The following ADGRL2 variants were observed in gnomAD, a reference collection of about 807,000 sequenced individuals.
ADGRL2 encodes calcium-independent alpha-latrotoxin receptor 2.
ADGRL2 carries 44 observed loss-of-function variants against 157.4 expected under a neutral mutation model. That is an observed-to-expected ratio of 0.28 (90% CI 0.22 to 0.36). ADGRL2 has a LOEUF of 0.36. Among genes scored for constraint, ADGRL2 ranks in the 10% least tolerant of loss-of-function variants. ADGRL2 has a pLI of 1.00. For missense variants in ADGRL2, 1,510 were observed against 1,768.9 expected (o/e 0.85, Z 2.63); for synonymous variants, 585 against 624.7 (o/e 0.94, Z 0.95).
At chr1:81,846,161 C>G (rs985552564) in intron 2 of ADGRL2, among the ~76,000 whole-genome samples, 1 of 151,372 alleles carries the variant, frequency 6.6e-6, no homozygotes, top group Non-Finnish European at 1.5e-5. Context: ...AAGTTTGGAA[C>G]ATAGCCAAAT....
chr1:81,313,560 A>G (rs1378599709), intron 1 of ADGRL2, among the ~76,000 whole-genome samples: 1 of 152,186 alleles, frequency 6.6e-6, no homozygotes, highest in Admixed American at 6.5e-5. Context: ...TGAAAGTGGT[A>G]TCTGTGCAGG....
chr1:81,781,490 A>T lies in ADGRL2; in HGVS notation c.-101+19638A>T, dbSNP rs966064042. 2.2e-4 allele frequency among the ~76,000 whole-genome samples: 33 copies of T among 152,228 alleles called. 1 individual carries two copies. Among genetic ancestry groups the T allele is most frequent in the Non-Finnish European group, 3.7e-4 (25 of 68,036 alleles). ...TGTAGCTAAACAGAATCTAGGCTTT[A>T]AAAGGAGTTTCAAAAATGCAGCTTT... On this transcript the variant is annotated intron_variant, in intron 2 of 20. Coordinates refer to the ADGRL2 transcript ENST00000359929.
At chr1:81,536,286 T>C (rs2079735022) in intron 2 of ADGRL2, among the ~76,000 whole-genome samples, 1 of 151,266 alleles carries the variant, frequency 6.6e-6, no homozygotes, top group South Asian at 2.1e-4. Context: ...CTTACTTTAA[T>C]AAAATATTTT....
At chr1:81,908,111 G>A (rs1490877563) in intron 3 of ADGRL2, among the ~76,000 whole-genome samples, 1 of 152,116 alleles carries the variant, frequency 6.6e-6, no homozygotes, top group African/African-American at 2.4e-5. Context: ...ACAATAATAT[G>A]CTATTCAGGT....
intron 3 of ADGRL2, among the ~76,000 whole-genome samples, chr1:81,672,967 G>C (rs1449466972): frequency 2.0e-5 from 3 of 152,188 alleles, no homozygotes; most frequent in Non-Finnish European, 4.4e-5. Flanking sequence ...ATATGATGGA[G>C]CAATTGTGAC....
intron 1 of ADGRL2, among the ~76,000 whole-genome samples, chr1:81,749,920 T>C (rs2085433669): frequency 6.6e-6 from 1 of 152,174 alleles, no homozygotes; most frequent in Non-Finnish European, 1.5e-5. Flanking sequence ...AGCCAGTAAG[T>C]AAAATATATT....
At chr1:81,736,001 G>A (rs1396442260) in intron 1 of ADGRL2, among the ~76,000 whole-genome samples, 1 of 148,418 alleles carries the variant, frequency 6.7e-6, no homozygotes, top group Admixed American at 6.7e-5. Flanking sequence ...AAATTAGCCA[G>A]GCATGGTGGC....
rs544581459 is a variant in ADGRL2 at position 81,900,350 on chromosome 1, C to T, written c.74-6667C>T. Among the ~76,000 whole-genome samples the T allele has an allele frequency of 2.6e-5, 4 of 152,266 alleles. No individual in the cohort carries two copies. The East Asian group carries it at 7.7e-4, about 29-fold the overall frequency. ...ATGTTTAAAGCCTTCTAGCATCGGG[C>T]TGCTCCTTATCCCCCGCAATCCCTC... On this transcript the variant is annotated intron_variant, in intron 2 of 23. Transcript: ENST00000686636.
chr1:81,840,415 G>A (rs1168809121), intron 2 of ADGRL2, among the ~76,000 whole-genome samples: 2 of 151,684 alleles, frequency 1.3e-5, no homozygotes, highest in Non-Finnish European at 2.9e-5. Flanking sequence ...CATAATTTTG[G>A]ATTTGCTTTA....
chr1:81,435,320 C>T (rs4448557), intron 1 of ADGRL2, among the ~76,000 whole-genome samples: 136,878 of 152,198 alleles, frequency 0.9, 62,003 homozygotes, highest in East Asian at 0.99. Context: ...TCAAGAGAAA[C>T]TGTGACATCA....
At chr1:81,328,963 CAA>C (rs34963278) in intron 1 of ADGRL2, among the ~76,000 whole-genome samples, 5 of 142,030 alleles carry the variant, frequency 3.5e-5, no homozygotes, top group African/African-American at 1.0e-4. Context: ...ACATGATCTA[CAA>C]AAAAAAAAAA....
At chr1:81,360,863 AAT>A (rs1412921861) in intron 1 of ADGRL2, among the ~76,000 whole-genome samples, 2 of 151,992 alleles carry the variant, frequency 1.3e-5, no homozygotes, top group Non-Finnish European at 2.9e-5. Flanking sequence ...GTAAGAAAAA[AAT>A]ATTTTGCATG....
intron 1 of ADGRL2, among the ~76,000 whole-genome samples, chr1:81,417,170 A>C (rs1257116369): frequency 6.6e-6 from 1 of 152,188 alleles, no homozygotes; most frequent in African/African-American, 2.4e-5. Flanking sequence ...GTTGCGACCC[A>C]TGCAGACTAC....
chr1:81,805,041 T>A (rs1019946424), intron 1 of ADGRL2, among the ~76,000 whole-genome samples: 5 of 152,224 alleles, frequency 3.3e-5, no homozygotes, highest in African/African-American at 1.2e-4. Context: ...TGAATTCTAT[T>A]TAAATAGATA....
At chr1:81,779,849 A>T (rs532259405) in intron 2 of ADGRL2, among the ~76,000 whole-genome samples, 3 of 152,136 alleles carry the variant, frequency 2.0e-5, no homozygotes, top group Non-Finnish European at 4.4e-5. Flanking sequence ...GTTCCCCTTA[A>T]TGCTTACTCT....
At chr1:81,540,031 A>G (rs1429556422) in intron 2 of ADGRL2, among the ~76,000 whole-genome samples, 1 of 152,142 alleles carries the variant, frequency 6.6e-6, no homozygotes, top group African/African-American at 2.4e-5. Flanking sequence ...AGAAATTCTA[A>G]TTCTGGTTGT....
chr1:81,411,751 G>A (rs2076948699), intron 1 of ADGRL2, among the ~76,000 whole-genome samples: 1 of 151,916 alleles, frequency 6.6e-6, no homozygotes, highest in Non-Finnish European at 1.5e-5. Context: ...ACAGTGGCGG[G>A]CGCCTGTAGT....
At chr1:81,502,067 G>A (rs190967251) in intron 2 of ADGRL2, 14 of 1,600,752 alleles carry the variant, frequency 8.7e-6, no homozygotes, top group Non-Finnish European at 1.2e-5. Flanking sequence ...GGAAGAGGAC[G>A]GAGGTTTGGA....
intron 14 of ADGRL2, among the ~76,000 whole-genome samples, chr1:81,968,742 C>T (rs1657871385): frequency 1.3e-5 from 2 of 152,132 alleles, no homozygotes; most frequent in African/African-American, 4.8e-5. Flanking sequence ...TGTGTCAACT[C>T]TCAATATGTA....
Sources: allele counts gnomAD v4.1 joint callset (sites outside exome capture counted in the v4.1 genomes callset), GRCh38; gene constraint gnomAD v4.1.1; transcripts MANE v1.5; gene names NCBI Gene and HGNC (gene_info 2026-07-23, HGNC 2026-07-21).